SORCS2: variants seen among roughly 807,000 people sequenced by gnomAD.
The protein encoded by SORCS2 is VPS10 domain-containing receptor SorCS2.
Under a neutral mutation model 141.6 loss-of-function variants are expected in SORCS2, and 100 were observed. The ratio of observed to expected loss-of-function variants is 0.71; its 90% CI spans 0.60 to 0.83. The LOEUF (loss-of-function observed/expected upper bound fraction) is 0.83. SORCS2 is among the 40% of genes least tolerant of loss of function. The pLI, the probability that SORCS2 is intolerant of heterozygous loss-of-function variation, is 0.00. For synonymous variants in SORCS2, 789 were observed against 676.9 expected (o/e 1.17, Z -2.57); for missense variants, 1,646 against 1,560.2 (o/e 1.05, Z -0.93).
intron 1 of SORCS2, among the ~76,000 whole-genome samples, chr4:7,340,675 T>C (rs1194926188): frequency 6.6e-6 from 1 of 152,138 alleles, no homozygotes; most frequent in African/African-American, 2.4e-5. Flanking sequence ...GGGTGGAAAC[T>C]CCCTGAGCTC....
At chr4:7,671,500 C>T (rs912406295) in intron 8 of SORCS2, among the ~76,000 whole-genome samples, 2 of 151,266 alleles carry the variant, frequency 1.3e-5, no homozygotes, top group African/African-American at 4.9e-5. Flanking sequence ...ATGGAAATAG[C>T]AATAAAGAGA....
intron 3 of SORCS2, among the ~76,000 whole-genome samples, chr4:7,610,956 A>G (rs1577837292): frequency 6.6e-6 from 1 of 152,132 alleles, no homozygotes; most frequent in South Asian, 2.1e-4. Flanking sequence ...CTGGCCATTC[A>G]TCAACATCTC....
intron 3 of SORCS2, among the ~76,000 whole-genome samples, chr4:7,566,671 C>T (rs1227560659): frequency 6.6e-6 from 1 of 152,270 alleles, no homozygotes; most frequent in Non-Finnish European, 1.5e-5. Context: ...GGAGGAGACA[C>T]TCTGGTTCTG....
At position 7,679,784 on chromosome 4, in the gene SORCS2, G is replaced by A. The variant is rs530376230; in HGVS notation, c.1342-2959G>A. ...TTTTTTTTTTTACAGCAGATGCAGGGAATGAATATAGCTGTGATATGGGCA... is the reference window on the plus strand; with the variant it reads ...TTTTTTTTTTTACAGCAGATGCAGGAAATGAATATAGCTGTGATATGGGCA... On this transcript the variant is annotated intron_variant, in intron 9 of 26. Transcript: ENST00000507866. Among the ~76,000 whole-genome samples, 8 of 150,090 alleles carry A rather than the reference G, an allele frequency of 5.3e-5. No individual in the cohort carries two copies. The East Asian group carries it at 1.2e-3, about 22-fold the overall frequency.
intron 1 of SORCS2, among the ~76,000 whole-genome samples, chr4:7,225,387 T>A (rs1188525013): frequency 1.3e-5 from 2 of 152,230 alleles, no homozygotes; most frequent in Non-Finnish European, 2.9e-5. Context: ...TCGTTCTCTG[T>A]TGAATGCAAA....
intron 2 of SORCS2, among the ~76,000 whole-genome samples, chr4:7,477,765 G>A (rs978746495): frequency 6.6e-6 from 1 of 152,182 alleles, no homozygotes; most frequent in African/African-American, 2.4e-5. Flanking sequence ...GTAGGAACAT[G>A]AAGATCCATC....
At chr4:7,484,776 C>T (rs989718364) in intron 2 of SORCS2, among the ~76,000 whole-genome samples, 1 of 151,942 alleles carries the variant, frequency 6.6e-6, no homozygotes, top group Non-Finnish European at 1.5e-5. Flanking sequence ...CTCCTGCACC[C>T]AGCCCTCCTG....
At chr4:7,710,209 C>G (rs1725735906) in intron 14 of SORCS2, among the ~76,000 whole-genome samples, 2 of 152,188 alleles carry the variant, frequency 1.3e-5, no homozygotes, top group African/African-American at 4.8e-5. Flanking sequence ...CGCCATGTTT[C>G]TGCGCAAAGC....
intron 2 of SORCS2, among the ~76,000 whole-genome samples, chr4:7,496,591 A>G (rs1306423365): frequency 6.6e-6 from 1 of 151,768 alleles, no homozygotes; most frequent in Non-Finnish European, 1.5e-5. Context: ...TTTTCAAGGG[A>G]TTAGTTTTCT....
intron 3 of SORCS2, among the ~76,000 whole-genome samples, chr4:7,610,172 A>G (rs1718315659): frequency 6.6e-6 from 1 of 152,174 alleles, no homozygotes; most frequent in Non-Finnish European, 1.5e-5. Context: ...CTGAACAGCA[A>G]ATGTGTTCCG....
At chr4:7,438,528 C>G (rs1727450735) in intron 2 of SORCS2, among the ~76,000 whole-genome samples, 2 of 152,168 alleles carry the variant, frequency 1.3e-5, no homozygotes, top group African/African-American at 4.8e-5. Flanking sequence ...ACCTGCCCAT[C>G]ATTTTCTAGC....
At chr4:7,620,994 G>C (rs1305318348) in intron 3 of SORCS2, among the ~76,000 whole-genome samples, 1 of 152,148 alleles carries the variant, frequency 6.6e-6, no homozygotes, top group East Asian at 1.9e-4. Flanking sequence ...GAGGCCCAGG[G>C]AGGCAGTGGC....
chr4:7,616,094 A>G (rs1314183458), intron 3 of SORCS2, among the ~76,000 whole-genome samples: 1 of 152,166 alleles, frequency 6.6e-6, no homozygotes, highest in Non-Finnish European at 1.5e-5. Context: ...ACTCTAGCCT[A>G]TAGGAACAGG....
chr4:7,728,364 A>G lies in SORCS2; in HGVS notation c.2884A>G (p.Met962Val). Reference sequence around the variant, plus strand: ...CGTCTTTCCAGATCAATTTCAAGTCATGCCTCTGCAGTTTTCCAAGGAGCT... The same window carrying G: ...CGTCTTTCCAGATCAATTTCAAGTCGTGCCTCTGCAGTTTTCCAAGGAGCT... ...VLRVLDQFQV[M>V]PLQFSKELDA... The change falls in exon 22 of 27, where the codon ATG becomes GTG. Residue 962 changes from methionine to valine, a missense_variant. By Grantham distance (21) the Met-to-Val change is conservative. Coordinates refer to ENST00000507866, the MANE Select transcript of SORCS2 (RefSeq NM_020777.3). 6.2e-7 allele frequency: 1 copy of G among 1,613,486 alleles called. No individual in the cohort carries two copies. Among genetic ancestry groups the G allele is most frequent in the Non-Finnish European group, 8.5e-7 (1 of 1,179,674 alleles).
chr4:7,240,158 G>A (rs1221561884), intron 1 of SORCS2, among the ~76,000 whole-genome samples: 1 of 152,198 alleles, frequency 6.6e-6, no homozygotes, highest in South Asian at 2.1e-4. Flanking sequence ...GGCCCCACGG[G>A]GCTGTCGTGA....
intron 1 of SORCS2, among the ~76,000 whole-genome samples, chr4:7,281,974 C>T (rs1715915570): frequency 6.6e-6 from 1 of 152,374 alleles, no homozygotes; most frequent in Admixed American, 6.5e-5. Flanking sequence ...AAACTCCACG[C>T]ACCCACTCCT....
chr4:7,575,529 T>C (rs576666359), intron 3 of SORCS2, among the ~76,000 whole-genome samples: 1 of 152,346 alleles, frequency 6.6e-6, no homozygotes, highest in African/African-American at 2.4e-5. Flanking sequence ...CATTGACAGT[T>C]GTAAAAGTAG....
rs371407070 is a variant in SORCS2, at chr4:7,729,659, G to C, written c.3055G>C (p.Val1019Leu). The C allele has an allele frequency of 6.2e-7, 1 of 1,607,010 alleles. No individual in the cohort carries two copies. The highest frequency in any genetic ancestry group is 1.1e-5 in the South Asian group (1 of 89,240). The change falls in exon 23 of 27, where the codon GTG becomes CTG. Residue 1019 changes from valine (V) to leucine (L), a missense_variant. By Grantham distance (32) the Val-to-Leu change is conservative (BLOSUM62 1). Coordinates refer to ENST00000507866, the MANE Select transcript of SORCS2 (RefSeq NM_020777.3). ...PGLPTLADLY[V>L]LLPPPRPTRK... is the part of the protein sequence containing the mutation. The stretch of plus-strand genomic sequence containing the variant: ...GCTGCCCACTTTGGCCGATCTGTAC[G>C]TGCTCCTGCCCCCTCCCAGGCCCAC...
chr4:7,210,209 C>T (rs924375073), intron 1 of SORCS2, among the ~76,000 whole-genome samples: 4 of 152,086 alleles, frequency 2.6e-5, no homozygotes, highest in Admixed American at 2.0e-4. Context: ...GCTGGGCCCC[C>T]GGTCATCTTT....
Sources: gnomAD v4.1 joint callset for allele counts (sites outside exome capture counted in the v4.1 genomes callset) on GRCh38, gnomAD v4.1.1 for gene constraint, MANE v1.5 for transcripts, NCBI Gene and HGNC (gene_info 2026-07-23, HGNC 2026-07-21) for gene names.